The following BMPER variants were observed in gnomAD, a reference collection of about 807,000 sequenced individuals.
BMPER encodes BMP-binding endothelial regulator protein.
BMPER carries 45 observed loss-of-function variants against 87.3 expected under a neutral mutation model. The observed-to-expected ratio is 0.52, with a 90% CI of 0.41 to 0.66. The LOEUF (loss-of-function observed/expected upper bound fraction) is 0.66. BMPER is among the 30% of genes least tolerant of loss of function. The pLI, the probability that BMPER is intolerant of heterozygous loss-of-function variation, is 0.00. For synonymous variants in BMPER, 326 were observed against 316.2 expected (o/e 1.03, Z -0.33); for missense variants, 784 against 867.5 (o/e 0.90, Z 1.21).
chr7:34,146,067 A>G (rs1381386256), intron 14 of BMPER, among the ~76,000 whole-genome samples: 1 of 152,122 alleles, frequency 6.6e-6, no homozygotes, highest in East Asian at 1.9e-4. Flanking sequence ...ACACACGCAC[A>G]CACACACATT....
At chr7:34,103,197 G>A (rs1789728226) in intron 13 of BMPER, among the ~76,000 whole-genome samples, 1 of 152,270 alleles carries the variant, frequency 6.6e-6, no homozygotes, top group African/African-American at 2.4e-5. Context: ...TCTGGGAATA[G>A]GGATATGAAG....
chr7:34,138,618 A>G (rs1468721001), intron 13 of BMPER, among the ~76,000 whole-genome samples: 1 of 152,192 alleles, frequency 6.6e-6, no homozygotes, highest in Non-Finnish European at 1.5e-5. Flanking sequence ...ATTTCTAGAT[A>G]CATTAATTTG....
intron 13 of BMPER, among the ~76,000 whole-genome samples, chr7:34,097,443 C>G (rs1308395326): frequency 6.6e-6 from 1 of 152,310 alleles, no homozygotes; most frequent in East Asian, 1.9e-4. Flanking sequence ...TAACTATGGG[C>G]AGGTTATACT....
In BMPER at chr7:34,074,167, T is replaced by C. The variant is rs528195664; in HGVS notation, c.1079-4690T>C. Among the ~76,000 whole-genome samples the C allele has an allele frequency of 1.6e-4, 25 of 152,340 alleles. No homozygotes were observed. In the East Asian group the frequency reaches 4.8e-3, roughly 29 times the overall value. On this transcript the variant is annotated intron_variant, in intron 11 of 14. Transcript: ENST00000649409. Reference sequence around the variant, plus strand: ...CCTACACAATATTTCTTGAAATCAGTTTTTTATATACAGATTGGTTACTAT... The same window carrying C: ...CCTACACAATATTTCTTGAAATCAGCTTTTTATATACAGATTGGTTACTAT...
rs114682334 is a variant in BMPER, at chr7:34,112,667, A to C, written c.1745+26575A>C. 4.8e-3 allele frequency among the ~76,000 whole-genome samples: 723 copies of C among 152,158 alleles called. 4 individuals carry two copies. The highest frequency in any genetic ancestry group is 0.016 in the African/African-American group (646 of 41,548). ...TGTTGTAGCATGTTTTTTCAGTCTG[A>C]GAATAAATTATTCACATCCTGACTC... is the stretch of plus-strand genomic sequence containing the variant. On this transcript the variant is annotated intron_variant, in intron 13 of 14. Coordinates refer to ENST00000649409, the MANE Select transcript of BMPER (RefSeq NM_001365308.1).
chr7:34,069,216 G>C (rs1041485786), intron 11 of BMPER, among the ~76,000 whole-genome samples: 1 of 152,060 alleles, frequency 6.6e-6, no homozygotes, highest in African/African-American at 2.4e-5. Flanking sequence ...ACAGCTAAAC[G>C]ACAAAACAAA....
At chr7:34,128,592 C>T (rs1790463908) in intron 13 of BMPER, among the ~76,000 whole-genome samples, 1 of 152,182 alleles carries the variant, frequency 6.6e-6, no homozygotes, top group African/African-American at 2.4e-5. Flanking sequence ...GATAGGAATA[C>T]TTCTGAAAGC....
At position 34,153,158 on chromosome 7, in the gene BMPER, A is replaced by G. The variant is rs2127997397; in HGVS notation, c.1943A>G (p.Asn648Ser). 1.2e-6 allele frequency: 2 copies of G among 1,614,062 alleles called. No homozygotes were observed. Among genetic ancestry groups the G allele is most frequent in the Non-Finnish European group, 1.7e-6 (2 of 1,179,984 alleles). ...CCGGGATGTATCAAGACGTGTGACA[A>G]CTGGAATGAAATTGGTCCATGCAAC... ...CGPGCIKTCD[N>S]WNEIGPCNKP... Residue 648 changes from asparagine (N) to serine (S), a missense_variant, in exon 15 of 15, where the codon AAC (asparagine) becomes AGC (serine). Asn to Ser is a conservative substitution (Grantham distance 46, BLOSUM62 1). Transcript: ENST00000649409.
chr7:34,106,614 C>T (rs1312658596), intron 13 of BMPER, among the ~76,000 whole-genome samples: 1 of 152,226 alleles, frequency 6.6e-6, no homozygotes, highest in Non-Finnish European at 1.5e-5. Context: ...ATTCTGTCTG[C>T]TCCCAACCTC....
rs377505325 is a variant in BMPER at position 34,057,549 on chromosome 7, T to A, written c.928-510T>A. Among the ~76,000 whole-genome samples, 5 of 152,190 alleles carry A rather than the reference T, an allele frequency of 3.3e-5. No homozygotes were observed. The East Asian group carries it at 9.6e-4, about 29-fold the overall frequency. On this transcript the variant is annotated intron_variant, in intron 9 of 14. Transcript: ENST00000649409. ...GTGTCTGTCTGAGCACTGGGAGTCATTTGAATTAGCCTGTCTTCTATGCAT... is the reference window on the plus strand; with the variant it reads ...GTGTCTGTCTGAGCACTGGGAGTCAATTGAATTAGCCTGTCTTCTATGCAT...
At chr7:34,145,086 C>T (rs1466374031) in intron 14 of BMPER, among the ~76,000 whole-genome samples, 1 of 152,188 alleles carries the variant, frequency 6.6e-6, no homozygotes, top group African/African-American at 2.4e-5. Context: ...AAGCCTGTGC[C>T]CTATGCCCTG....
chr7:34,140,467 T>C (rs920969812), intron 13 of BMPER, among the ~76,000 whole-genome samples: 2 of 152,244 alleles, frequency 1.3e-5, no homozygotes, highest in African/African-American at 2.4e-5. Flanking sequence ...ACAAATATTT[T>C]TCTCTCACAC....
chr7:33,934,297 A>G (rs1784551065), intron 2 of BMPER, among the ~76,000 whole-genome samples: 1 of 152,180 alleles, frequency 6.6e-6, no homozygotes, highest in African/African-American at 2.4e-5. Flanking sequence ...TCAGGCTCTC[A>G]CCAGCAATTC....
intron 13 of BMPER, among the ~76,000 whole-genome samples, chr7:34,115,493 C>T: frequency 6.6e-6 from 1 of 152,176 alleles, no homozygotes; most frequent in Non-Finnish European, 1.5e-5. Context: ...AGTAATCACT[C>T]TCCTTTTCCA....
chr7:34,081,462 A>T (rs1364868606), intron 12 of BMPER, among the ~76,000 whole-genome samples: 2 of 152,216 alleles, frequency 1.3e-5, no homozygotes, highest in Non-Finnish European at 2.9e-5. Context: ...TTACGATGGG[A>T]TTATTTGGCA....
chr7:34,015,255 A>G (rs1786988760), intron 6 of BMPER, among the ~76,000 whole-genome samples: 1 of 151,958 alleles, frequency 6.6e-6, no homozygotes, highest in South Asian at 2.1e-4. Context: ...TGGACAAGTT[A>G]CTTAACTGCC....
intron 13 of BMPER, among the ~76,000 whole-genome samples, chr7:34,118,794 C>T (rs1167151778): frequency 6.6e-6 from 1 of 152,048 alleles, no homozygotes; most frequent in Non-Finnish European, 1.5e-5. Context: ...AGGCCTCATC[C>T]AATTGGTTGA....
At chr7:34,042,015 G>T (rs1295341372) in intron 6 of BMPER, among the ~76,000 whole-genome samples, 1 of 152,162 alleles carries the variant, frequency 6.6e-6, no homozygotes, top group Non-Finnish European at 1.5e-5. Context: ...TGTTGGAGAA[G>T]CATCGTGTAT....
intron 13 of BMPER, among the ~76,000 whole-genome samples, chr7:34,102,458 T>C (rs1789707043): frequency 6.6e-6 from 1 of 151,884 alleles, no homozygotes; most frequent in Non-Finnish European, 1.5e-5. Flanking sequence ...ACACCCAGAG[T>C]TTCTGATTCA....
Sources: gnomAD v4.1 joint callset for allele counts (sites outside exome capture counted in the v4.1 genomes callset) on GRCh38, gnomAD v4.1.1 for gene constraint, MANE v1.5 for transcripts, NCBI Gene and HGNC (gene_info 2026-07-23, HGNC 2026-07-21) for gene names.